Variants in ANKRD31 observed in about 807,000 individuals in gnomAD.
ANKRD31 encodes the protein ankyrin repeat domain 31, also known as ankyrin repeat domain-containing protein 31.
A neutral mutation model predicts 186.0 loss-of-function variants in ANKRD31; 147 were observed. That is an observed-to-expected ratio of 0.79 (90% confidence interval 0.69 to 0.91). ANKRD31 has a LOEUF of 0.91. Ranked by LOEUF, ANKRD31 falls within the 40% of genes least tolerant of loss-of-function variation. The probability of loss-of-function intolerance (pLI) is 0.00; values close to 1 mark genes in which losing one functional copy is unlikely to be tolerated. For missense variants in ANKRD31, 1,986 were observed against 2,148.8 expected, an observed-to-expected ratio of 0.92 and a Z score of 1.50; for synonymous variants, 673 against 736.4, an observed-to-expected ratio of 0.91 and a Z score of 1.39.
intron 20 of ANKRD31, among the ~76,000 whole-genome samples, chr5:75,111,703 T>C (rs1747803080): frequency 6.6e-6 from 1 of 152,186 alleles, no homozygotes; most frequent in South Asian, 2.1e-4. Context: ...TCAAAAAATA[T>C]GTGAGTCATC....
In ANKRD31 at chr5:75,081,912, G is replaced by T. The variant is rs192402228; in HGVS notation, c.5576-1273C>A. ...CAAAGTCTATAGTCAGGCTGGCTGT[G>T]TAAGAGTCACTTTAAAAAATTCAGG... On this transcript the variant is annotated intron_variant, in intron 24 of 25. Coordinates refer to ENST00000506364, the MANE Select transcript of ANKRD31 (RefSeq NM_001372053.1). Among the ~76,000 whole-genome samples the T allele has an allele frequency of 2.1e-3, 323 of 152,268 alleles. 3 individuals are homozygous for T. The highest frequency in any genetic ancestry group is 5.5e-3 in the Admixed American group (84 of 15,290).
chr5:75,218,466 T>TA (rs904312925), intron 3 of ANKRD31, among the ~76,000 whole-genome samples: 3 of 151,702 alleles, frequency 2.0e-5, no homozygotes, highest in African/African-American at 7.3e-5. Flanking sequence ...GCCTACCAAC[T>TA]AAAAAAAGCC....
At chr5:75,080,463 G>A (rs1744995474) in intron 25 of ANKRD31, 105 bp downstream of exon 25, 6 of 622,680 alleles carry the variant, frequency 9.6e-6, no homozygotes, top group East Asian at 3.1e-5. Flanking sequence ...ATAATATGGA[G>A]TGATATGCAT....
At chr5:75,184,533 CA>C (rs1420174397) in intron 10 of ANKRD31, among the ~76,000 whole-genome samples, 1 of 151,862 alleles carries the variant, frequency 6.6e-6, no homozygotes, top group Non-Finnish European at 1.5e-5. Flanking sequence ...GTAAGAAACT[CA>C]AACAACTCAA....
intron 22 of ANKRD31, among the ~76,000 whole-genome samples, chr5:75,093,045 A>G (rs1367375085): frequency 2.7e-5 from 4 of 147,030 alleles, no homozygotes; most frequent in Non-Finnish European, 4.7e-5. Context: ...ATATTGATAC[A>G]GAGTATGCAA....
intron 2 of ANKRD31, among the ~76,000 whole-genome samples, chr5:75,226,892 A>G (rs1757662510): frequency 6.6e-6 from 1 of 152,194 alleles, no homozygotes; most frequent in African/African-American, 2.4e-5. Context: ...TACAGCTACC[A>G]TACAATCCAG....
intron 3 of ANKRD31, among the ~76,000 whole-genome samples, chr5:75,214,541 G>T (rs532046638): frequency 2.6e-5 from 4 of 152,178 alleles, no homozygotes; most frequent in Non-Finnish European, 5.9e-5. Context: ...GGCTTTAAAA[G>T]ACCATGCAGT....
At chr5:75,122,053 G>C (rs747790483) in intron 17 of ANKRD31, among the ~76,000 whole-genome samples, 29 of 151,890 alleles carry the variant, frequency 1.9e-4, no homozygotes, top group African/African-American at 6.8e-4. Context: ...AGATAAACAA[G>C]TTGATAAATT....
At position 75,146,945 on chromosome 5, in the gene ANKRD31, T is replaced by C. The variant is rs376513781; in HGVS notation, c.2466A>G (p.Gln822=). The change falls in exon 14 of 26, where the codon CAA becomes CAG. Residue 822 remains glutamine (Q), a synonymous_variant. Coordinates refer to ENST00000506364, the MANE Select transcript of ANKRD31 (RefSeq NM_001372053.1). ...NLDLSDSQEV[Q]CLELESVDQT... ...GGTCAACAGATTCTAATTCCAAGCA[T>C]TGAACTTCTTGACTATCTGATAAAT... 3.1e-4 allele frequency: 469 copies of C among 1,536,354 alleles called. 4 individuals carry two copies. Among genetic ancestry groups the C allele is most frequent in the South Asian group, 1.1e-3 (95 of 84,048 alleles).
chr5:75,077,911 G>A (rs138233910), intron 25 of ANKRD31, among the ~76,000 whole-genome samples: 3,625 of 121,184 alleles, frequency 0.03, 142 homozygotes, highest in African/African-American at 0.11. Context: ...TGGCCTGGGC[G>A]AAAGAGCGAG....
chr5:75,138,728 T>G, intron 16 of ANKRD31, 118 bp downstream of exon 16: 1 of 1,014,876 alleles, frequency 9.9e-7, no homozygotes, highest in Non-Finnish European at 1.4e-6. Context: ...TAAAAAAGAT[T>G]GTTCAAAGTT....
intron 10 of ANKRD31, among the ~76,000 whole-genome samples, chr5:75,181,931 C>CA (rs1000257781): frequency 1.0e-4 from 15 of 149,718 alleles, no homozygotes; most frequent in African/African-American, 2.7e-4. Flanking sequence ...ATGGTAGACT[C>CA]AAAAAAAATA....
In ANKRD31 at chr5:75,146,505, T is replaced by C; in HGVS notation, c.2906A>G (p.Gln969Arg). Residue 969 changes from glutamine to arginine, a missense_variant, in exon 14 of 26, where the codon CAG (glutamine) becomes CGG (arginine). Coordinates refer to ENST00000506364, the MANE Select transcript of ANKRD31 (RefSeq NM_001372053.1). ...KAVSLTTLPE[Q>R]EAVNFSYSDN... ...TGAATAAGAAAAATTAACAGCTTCC[T>C]GTTCTGGAAGTGTGGTTAGGCTGAC... 2.0e-6 allele frequency: 3 copies of C among 1,536,562 alleles called. No individual in the cohort carries two copies. Among genetic ancestry groups the C allele is most frequent in the Non-Finnish European group, 2.6e-6 (3 of 1,146,472 alleles).
At chr5:75,153,480 C>T (rs1751970285) in intron 12 of ANKRD31, among the ~76,000 whole-genome samples, 3 of 151,980 alleles carry the variant, frequency 2.0e-5, no homozygotes, top group South Asian at 4.1e-4. Flanking sequence ...CTTGGGGAGG[C>T]ATATCTGAGG....
intron 21 of ANKRD31, among the ~76,000 whole-genome samples, chr5:75,106,382 A>G (rs1747332817): frequency 1.3e-5 from 2 of 152,124 alleles, no homozygotes; most frequent in African/African-American, 4.8e-5. Flanking sequence ...TTTAGAGCTG[A>G]TACTAAATTC....
At chr5:75,219,065 T>C (rs1238556680) in intron 3 of ANKRD31, among the ~76,000 whole-genome samples, 1 of 152,124 alleles carries the variant, frequency 6.6e-6, no homozygotes, top group African/African-American at 2.4e-5. Flanking sequence ...AGCATTCCCC[T>C]TGAAAACCAG....
At chr5:75,139,226 C>A (rs1750827458) in intron 15 of ANKRD31, among the ~76,000 whole-genome samples, 1 of 152,170 alleles carries the variant, frequency 6.6e-6, no homozygotes. Flanking sequence ...TTGATTAAAA[C>A]AAATTAACTT....
At chr5:75,234,833 G>GT (rs143164386) in intron 1 of ANKRD31, among the ~76,000 whole-genome samples, 11 of 150,532 alleles carry the variant, frequency 7.3e-5, no homozygotes, top group South Asian at 4.2e-4. Context: ...ATACTTTTTG[G>GT]TTTTTTTTTA....
At chr5:75,213,329 C>G (rs1561541915) in intron 3 of ANKRD31, among the ~76,000 whole-genome samples, 1 of 152,164 alleles carries the variant, frequency 6.6e-6, no homozygotes, top group Non-Finnish European at 1.5e-5. Flanking sequence ...ACTAATTATT[C>G]ACTTGACTGT....
Sources: gnomAD v4.1 joint callset for allele counts (sites outside exome capture counted in the v4.1 genomes callset) on GRCh38, gnomAD v4.1.1 for gene constraint, MANE v1.5 for transcripts, NCBI Gene and HGNC (gene_info 2026-07-23, HGNC 2026-07-21) for gene names.